The following CEP85L variants were observed in gnomAD, a reference collection of about 807,000 sequenced individuals.
The protein encoded by CEP85L is centrosomal protein 85L.
In CEP85L, 60 loss-of-function variants were observed where a neutral mutation model predicts 100.3. That is an observed-to-expected ratio of 0.60 (90% CI 0.49 to 0.74). CEP85L has a LOEUF of 0.74. CEP85L is among the 30% of genes least tolerant of loss of function. The probability of loss-of-function intolerance (pLI) is 0.00; values close to 1 mark genes in which losing one functional copy is unlikely to be tolerated. For synonymous variants in CEP85L, 319 were observed against 322.7 expected, an observed-to-expected ratio of 0.99 and a Z score of 0.12; for missense variants, 973 against 936.2, an observed-to-expected ratio of 1.04 and a Z score of -0.51.
chr6:118,500,323 C>T (rs1308698091), intron 5 of CEP85L, among the ~76,000 whole-genome samples: 1 of 152,056 alleles, frequency 6.6e-6, no homozygotes, highest in African/African-American at 2.4e-5. Context: ...GCTATATGAT[C>T]AAACAGCAAA....
chr6:118,501,809 TGAGAGA>T (rs35783390), intron 5 of CEP85L: 3,235 of 1,047,866 alleles, frequency 3.1e-3, no homozygotes, highest in African/African-American at 4.7e-3. Flanking sequence ...GGCTGCTGGC[TGAGAGA>T]GAGAGAGAGA....
At chr6:118,619,354 C>T (rs548510873) in intron 2 of CEP85L, among the ~76,000 whole-genome samples, 1 of 152,322 alleles carries the variant, frequency 6.6e-6, no homozygotes, top group Non-Finnish European at 1.5e-5. Context: ...CATTCTACAA[C>T]TAGATCTTTT....
chr6:118,707,547 A>G lies in CEP85L; in HGVS notation c.-28+2489T>C, dbSNP rs560825216. On this transcript the variant is annotated intron_variant, in intron 1 of 13. Coordinates refer to the CEP85L transcript ENST00000368488. Reference sequence around the variant, plus strand: ...AATTCTACAGTGAGGAAGCACCAACACTTACTAAACTACTTCCTTTTTATT... The same window carrying G: ...AATTCTACAGTGAGGAAGCACCAACGCTTACTAAACTACTTCCTTTTTATT... Among the ~76,000 whole-genome samples the G allele has an allele frequency of 8.5e-5, 13 of 152,190 alleles. No individual in the cohort carries two copies. In the South Asian group the frequency reaches 2.7e-3, roughly 32 times the overall value.
chr6:118,500,806 T>C (rs547368618), intron 5 of CEP85L, among the ~76,000 whole-genome samples: 12 of 152,296 alleles, frequency 7.9e-5, no homozygotes, highest in Middle Eastern at 3.4e-3. Flanking sequence ...AACAGAGCAA[T>C]ACCCTGTCTC....
chr6:118,555,078 A>G (rs1778772905), intron 3 of CEP85L, among the ~76,000 whole-genome samples: 1 of 152,222 alleles, frequency 6.6e-6, no homozygotes, highest in African/African-American at 2.4e-5. Flanking sequence ...TTCAAATAGG[A>G]ATTACCAAGT....
intron 1 of CEP85L, among the ~76,000 whole-genome samples, chr6:118,705,793 A>G (rs1303513579): frequency 6.6e-6 from 1 of 152,246 alleles, no homozygotes; most frequent in Non-Finnish European, 1.5e-5. Context: ...TGGGAATGGT[A>G]ACTCCATATG....
chr6:118,532,757 A>G (rs1457173048), intron 3 of CEP85L, among the ~76,000 whole-genome samples: 1 of 152,188 alleles, frequency 6.6e-6, no homozygotes, highest in Non-Finnish European at 1.5e-5. Context: ...TAAAGAAAAT[A>G]TAAAACAGTA....
At chr6:118,469,017 C>T (rs1032068976) in intron 12 of CEP85L, 55 bp downstream of exon 12, 243 of 1,215,056 alleles carry the variant, frequency 2.0e-4, no homozygotes, top group Non-Finnish European at 2.5e-4. Context: ...GTTCCTGATT[C>T]ATGAAGATAG....
At chr6:118,659,510 C>G (rs773866957) in intron 1 of CEP85L, among the ~76,000 whole-genome samples, 4 of 152,162 alleles carry the variant, frequency 2.6e-5, no homozygotes, top group Admixed American at 6.5e-5. Flanking sequence ...CTGTTTTCAA[C>G]TGAGACCAAA....
intron 4 of CEP85L, among the ~76,000 whole-genome samples, chr6:118,520,839 A>G (rs1324464981): frequency 6.6e-6 from 1 of 152,188 alleles, no homozygotes; most frequent in African/African-American, 2.4e-5. Flanking sequence ...GCACTACTCA[A>G]TCACCTAAAT....
intron 1 of CEP85L, among the ~76,000 whole-genome samples, chr6:118,666,462 G>A (rs1776137109): frequency 6.6e-6 from 1 of 152,186 alleles, no homozygotes; most frequent in Non-Finnish European, 1.5e-5. Flanking sequence ...ACTATACCAG[G>A]ATGAATACAT....
At chr6:118,593,068 C>T (rs181730659) in intron 2 of CEP85L, among the ~76,000 whole-genome samples, 30 of 152,052 alleles carry the variant, frequency 2.0e-4, no homozygotes, top group African/African-American at 7.0e-4. Flanking sequence ...ACAAATGAAA[C>T]CTAATCATTG....
intron 5 of CEP85L, among the ~76,000 whole-genome samples, chr6:118,510,972 G>C (rs1011657947): frequency 6.6e-6 from 1 of 151,882 alleles, no homozygotes; most frequent in Non-Finnish European, 1.5e-5. Context: ...AAAAAAGCAA[G>C]GTGCCAGATA....
intron 1 of CEP85L, among the ~76,000 whole-genome samples, chr6:118,690,673 G>A (rs62423995): frequency 0.22 from 33,507 of 151,562 alleles, 4,817 homozygotes; most frequent in Non-Finnish European, 0.32. Context: ...GCCAAAATAT[G>A]GGGAATTTTT....
chr6:118,622,576 G>A (rs749523546), intron 2 of CEP85L, among the ~76,000 whole-genome samples: 3 of 152,224 alleles, frequency 2.0e-5, no homozygotes, highest in Non-Finnish European at 4.4e-5. Flanking sequence ...CACCCAGTTA[G>A]CAGAACTCGT....
chr6:118,617,000 C>T (rs1027248655), intron 2 of CEP85L, among the ~76,000 whole-genome samples: 1 of 149,350 alleles, frequency 6.7e-6, no homozygotes, highest in Admixed American at 6.7e-5. Flanking sequence ...GAGTTCAAGA[C>T]CAGCCTGGGC....
Position 118,465,438 on chromosome 6 carries a change from A to ATCAG in CEP85L, c.2384_2385insCTGA (p.Gln796Ter). 6.2e-7 allele frequency: 1 copy of ATCAG among 1,613,482 alleles called. No individual in the cohort carries two copies. On this transcript the variant is annotated stop_gained and frameshift_variant, in exon 13 of 13. Transcript: ENST00000368491. LOFTEE classifies it high-confidence loss of function. ...TAATGCAGTTGTCTCCCATGTCCTG[A>ATCAG]GCATAGCGGTCTGATATTGTAGTCC... is the stretch of plus-strand genomic sequence containing the variant.
intron 3 of CEP85L, among the ~76,000 whole-genome samples, chr6:118,549,731 A>G (rs1293798002): frequency 6.6e-6 from 1 of 151,882 alleles, no homozygotes; most frequent in African/African-American, 2.4e-5. Context: ...TTTTATTCAA[A>G]TATCTATCAA....
chr6:118,488,156 G>C (rs1459941399), intron 6 of CEP85L, among the ~76,000 whole-genome samples: 1 of 152,076 alleles, frequency 6.6e-6, no homozygotes, highest in Non-Finnish European at 1.5e-5. Context: ...TCAACTTAAA[G>C]AGGGAGGAAA....
Sources: gnomAD v4.1 joint callset for allele counts (sites outside exome capture counted in the v4.1 genomes callset) on GRCh38, gnomAD v4.1.1 for gene constraint, MANE v1.5 for transcripts, NCBI Gene and HGNC (gene_info 2026-07-23, HGNC 2026-07-21) for gene names.